Variants in ATRNL1 observed in about 807,000 individuals in gnomAD.
The protein encoded by ATRNL1 is attractin-like protein 1.
Under a neutral mutation model 182.7 loss-of-function variants are expected in ATRNL1, and 95 were observed. The observed-to-expected ratio is 0.52, with a 90% CI of 0.44 to 0.62. The LOEUF is 0.62. Among genes scored for constraint, ATRNL1 ranks in the 20% least tolerant of loss-of-function variants. ATRNL1 has a pLI of 0.00. For missense variants in ATRNL1, 1,471 were observed against 1,679.5 expected (o/e 0.88, Z 2.17); for synonymous variants, 576 against 568.3 (o/e 1.01, Z -0.19).
chr10:115,320,783 G>T (rs183204203), intron 18 of ATRNL1, among the ~76,000 whole-genome samples: 1 of 152,024 alleles, frequency 6.6e-6, no homozygotes, highest in East Asian at 1.9e-4. Context: ...ATTCTAGTTA[G>T]CAGCTCCTCT....
chr10:115,281,550 G>A, intron 14 of ATRNL1, 63 bp downstream of exon 14: 1 of 1,483,762 alleles, frequency 6.7e-7, no homozygotes, highest in Non-Finnish European at 9.2e-7. Flanking sequence ...ACATAGAAAA[G>A]TACATTTAGT....
At chr10:115,629,141 A>T (rs1858318045) in intron 26 of ATRNL1, among the ~76,000 whole-genome samples, 1 of 152,210 alleles carries the variant, frequency 6.6e-6, no homozygotes, top group Admixed American at 6.5e-5. Flanking sequence ...TTAAATGATT[A>T]ATCTGGAATT....
chr10:115,637,360 C>T (rs1445999174), intron 26 of ATRNL1, among the ~76,000 whole-genome samples: 2 of 151,660 alleles, frequency 1.3e-5, no homozygotes, highest in African/African-American at 4.8e-5. Context: ...TACTACTTAA[C>T]CTGAAGGGTA....
chr10:115,572,968 A>G (rs1315909609), intron 26 of ATRNL1, among the ~76,000 whole-genome samples: 2 of 152,106 alleles, frequency 1.3e-5, no homozygotes, highest in African/African-American at 4.8e-5. Flanking sequence ...TGTAGTGTCT[A>G]GGGGTGAGTG....
intron 21 of ATRNL1, among the ~76,000 whole-genome samples, chr10:115,435,626 T>C (rs1846371371): frequency 6.6e-6 from 1 of 152,230 alleles, no homozygotes; most frequent in Admixed American, 6.5e-5. Context: ...TGCTTGTTCT[T>C]AGATATCTCA....
intron 19 of ATRNL1, among the ~76,000 whole-genome samples, chr10:115,368,042 C>T (rs1441145009): frequency 1.3e-5 from 2 of 152,190 alleles, no homozygotes; most frequent in Non-Finnish European, 2.9e-5. Context: ...CTGTGGTGGG[C>T]TCCACCCAGT....
At chr10:115,655,598 T>C (rs1233867783) in intron 26 of ATRNL1, among the ~76,000 whole-genome samples, 5 of 152,208 alleles carry the variant, frequency 3.3e-5, no homozygotes, top group Non-Finnish European at 7.3e-5. Flanking sequence ...CTTTTACCTT[T>C]TGGGCAAGCC....
intron 27 of ATRNL1, among the ~76,000 whole-genome samples, chr10:115,783,334 C>T (rs941930663): frequency 7.2e-5 from 11 of 151,878 alleles, no homozygotes; most frequent in Middle Eastern, 3.2e-3. Flanking sequence ...GATAAAAATC[C>T]GTAGACATAT....
chr10:115,323,644 G>A (rs1168748035), intron 18 of ATRNL1, among the ~76,000 whole-genome samples: 1 of 151,806 alleles, frequency 6.6e-6, no homozygotes, highest in Non-Finnish European at 1.5e-5. Flanking sequence ...GAGTTTTGCT[G>A]TGTTGGCCAG....
chr10:115,453,063 A>G (rs1847355669), intron 21 of ATRNL1, among the ~76,000 whole-genome samples: 1 of 152,116 alleles, frequency 6.6e-6, no homozygotes, highest in African/African-American at 2.4e-5. Context: ...AATTGTATGT[A>G]TATACTACAG....
Position 115,878,205 on chromosome 10 carries a change from A to T in ATRNL1, c.4018+30214A>T, listed in dbSNP as rs542213383. On this transcript the variant is annotated intron_variant, in intron 28 of 28. Coordinates refer to ENST00000355044, the MANE Select transcript of ATRNL1 (RefSeq NM_207303.4). ...TTCATTTGGACTAAATCTGTTTCAG[A>T]TCTTACTGGCCAGCCTCACCATACT... Among the ~76,000 whole-genome samples, 5 of 152,378 alleles carry T rather than the reference A, an allele frequency of 3.3e-5. No individual in the cohort carries two copies. The South Asian group carries it at 1.0e-3, about 32-fold the overall frequency.
intron 28 of ATRNL1, among the ~76,000 whole-genome samples, chr10:115,885,096 A>G (rs1374125515): frequency 2.0e-5 from 3 of 152,212 alleles, no homozygotes; most frequent in African/African-American, 7.2e-5. Flanking sequence ...ATCTTTGTGC[A>G]CTCACTATTG....
At chr10:115,442,303 C>CTCTCTCTCTCTCTCTCTGTG (rs782157017) in intron 21 of ATRNL1, among the ~76,000 whole-genome samples, 2,161 of 123,554 alleles carry the variant, frequency 0.017, 71 homozygotes, top group Non-Finnish European at 0.027. Context: ...CTCTCTCTCT[C>CTCTCTCTCTCTCTCTCTGTG]TGTGTGTATG....
intron 27 of ATRNL1, among the ~76,000 whole-genome samples, chr10:115,837,713 C>T (rs564082650): frequency 3.9e-5 from 6 of 152,142 alleles, no homozygotes; most frequent in Non-Finnish European, 7.4e-5. Context: ...ACTTGGAACT[C>T]AGTTCTAGAC....
intron 26 of ATRNL1, among the ~76,000 whole-genome samples, chr10:115,570,823 G>A (rs1854344102): frequency 6.6e-6 from 1 of 152,142 alleles, no homozygotes; most frequent in African/African-American, 2.4e-5. Flanking sequence ...TCAGGGAGAG[G>A]CCTATATCCA....
chr10:115,889,977 T>C (rs61622674), intron 28 of ATRNL1, among the ~76,000 whole-genome samples: 8,445 of 152,216 alleles, frequency 0.055, 751 homozygotes, highest in African/African-American at 0.19. Context: ...TGTGTGTGCA[T>C]TGGGGGAGTG....
intron 26 of ATRNL1, among the ~76,000 whole-genome samples, chr10:115,714,525 A>G (rs1284884119): frequency 2.6e-5 from 4 of 152,078 alleles, no homozygotes; most frequent in African/African-American, 9.7e-5. Context: ...CAGGCGGCCC[A>G]TTTTACTTGG....
At chr10:115,421,504 G>T (rs1554961916) in intron 20 of ATRNL1, among the ~76,000 whole-genome samples, 1 of 152,086 alleles carries the variant, frequency 6.6e-6, no homozygotes, top group African/African-American at 2.4e-5. Context: ...ATTCCTCCAT[G>T]ATAAAACCGC....
intron 13 of ATRNL1, among the ~76,000 whole-genome samples, chr10:115,273,597 A>G (rs1851968935): frequency 6.6e-6 from 1 of 152,206 alleles, no homozygotes; most frequent in Admixed American, 6.5e-5. Context: ...CACTGGAAAG[A>G]TTTCCTTTCA....
Sources: allele counts gnomAD v4.1 joint callset (sites outside exome capture counted in the v4.1 genomes callset), GRCh38; gene constraint gnomAD v4.1.1; transcripts MANE v1.5; gene names NCBI Gene and HGNC (gene_info 2026-07-23, HGNC 2026-07-21).